Variants in ETS2 observed in about 807,000 individuals in gnomAD.
The protein encoded by ETS2 is ETS proto-oncogene 2, transcription factor.
ETS2 carries 19 observed loss-of-function variants against 54.9 expected under a neutral mutation model. The ratio of observed to expected loss-of-function variants is 0.35; its 90% CI spans 0.24 to 0.51. The LOEUF is 0.51. Ranked by LOEUF, ETS2 falls within the 20% of genes least tolerant of loss-of-function variation. The pLI is 0.97. For missense variants in ETS2, 417 were observed against 593.0 expected, an observed-to-expected ratio of 0.70 and a Z score of 3.08; for synonymous variants, 219 against 229.3, an observed-to-expected ratio of 0.95 and a Z score of 0.41.
chr21:38,814,065 AT>A lies in ETS2; in HGVS notation c.185-201del, dbSNP rs1277256426. Among the ~76,000 whole-genome samples, 1 of 152,208 alleles carries A rather than the reference AT, an allele frequency of 6.6e-6. No homozygotes were observed. Among genetic ancestry groups the A allele is most frequent in the Admixed American group, 6.5e-5 (1 of 15,280 alleles). ...GAATCAAATCTGAGTTTTATTTTAG[AT>A]TTTTTTAATAAGTATAGTTCTGAGA... On this transcript the variant is annotated intron_variant, in intron 3 of 9. Coordinates refer to ENST00000360938, the MANE Select transcript of ETS2 (RefSeq NM_005239.6). This position sits in a 1 kb window ranked among gnomAD's most constrained non-coding sequence, Gnocchi z 4.2.
chr21:38,812,869 G>A, intron 2 of ETS2, 134 bp from the exon 3 acceptor site: 1 of 639,144 alleles, frequency 1.6e-6, no homozygotes. Flanking sequence ...CTGACTGGTT[G>A]ATTCCATGTT....
rs918980297 is a variant in ETS2 at position 38,814,373 on chromosome 21, G to C, written c.285G>C (p.Arg95=). Residue 95 remains arginine (R), a synonymous_variant, in exon 4 of 10, where the codon CGG becomes CGC. Coordinates refer to ENST00000360938, the MANE Select transcript of ETS2 (RefSeq NM_005239.6). This position sits in a 1 kb window ranked among gnomAD's most constrained non-coding sequence, Gnocchi z 4.2. ...ATFSGFKKEQ[R]RLGIPKNPWL... ...TCAGTGGCTTCAAAAAGGAACAGCG[G>C]CGCCTGGGCATTCCAAAGAGTAAGT... The C allele has an allele frequency of 8.7e-6, 14 of 1,614,032 alleles. No individual in the cohort carries two copies. Among genetic ancestry groups the C allele is most frequent in the Admixed American group, 6.7e-5 (4 of 60,008 alleles).
Position 38,821,785 on chromosome 21 carries a change from C to A in ETS2, c.1194+81C>A. 9.2e-6 allele frequency: 9 copies of A among 976,992 alleles called. No homozygotes were observed. The highest frequency in any genetic ancestry group is 7.6e-5 in the Admixed American group (4 of 52,478). 60.5% of individuals were successfully genotyped at this position (976,992 alleles called of 1,614,324 possible). A position where few individuals can be genotyped will look rare whatever the true frequency, so the allele number is the denominator to read the frequency against. On this transcript the variant is annotated intron_variant, in intron 9 of 9. Coordinates refer to ENST00000360938, the MANE Select transcript of ETS2 (RefSeq NM_005239.6). The surrounding 1 kb of genome is among the most constrained non-coding windows in gnomAD (Gnocchi z 4.2). ...ATTCAAAAACTCAGTTCTTTGGGCA[C>A]AAAAAAGGGTTCACCAGTACTGCTG... is the stretch of plus-strand genomic sequence containing the variant.
chr21:38,812,600 G>C (rs2060917911), intron 2 of ETS2, among the ~76,000 whole-genome samples: 1 of 152,186 alleles, frequency 6.6e-6, no homozygotes, highest in Non-Finnish European at 1.5e-5. Flanking sequence ...GGCCAACATG[G>C]TGAAACCCTG....
At chr21:38,818,741 G>A in intron 7 of ETS2, 95 bp downstream of exon 7, 1 of 1,423,546 alleles carries the variant, frequency 7.0e-7, no homozygotes, top group South Asian at 1.2e-5. Context: ...CCTGGATTCA[G>A]CCATTAGAGA....
rs457705 is a variant in ETS2, at chr21:38,819,507, T to G, written c.816T>G (p.Thr272=). The change falls in exon 8 of 10, where the codon ACT becomes ACG. Residue 272 remains threonine (T), a synonymous_variant. Transcript: ENST00000360938. Reference sequence around the variant, plus strand: ...GTGTTTGGTTGTCTTTGCCAGGGACTCCCAAAGACCACGACTCCCCTGAGA... The same window carrying G: ...GTGTTTGGTTGTCTTTGCCAGGGACGCCCAAAGACCACGACTCCCCTGAGA... ...NLNLLTNNSG[T]PKDHDSPENG... is the part of the protein sequence containing the mutation. The G allele has an allele frequency of 0.8, 1,285,857 of 1,612,886 alleles. 524,442 individuals carry two copies. Among genetic ancestry groups the G allele is most frequent in the Non-Finnish European group, 0.86 (1,008,175 of 1,179,124 alleles).
chr21:38,824,727 A>G lies in ETS2; in HGVS notation c.*1838A>G, dbSNP rs1461075489. 6.6e-6 allele frequency: 1 copy of G among 152,650 alleles called. No homozygotes were observed. Among genetic ancestry groups the G allele is most frequent in the Admixed American group, 6.5e-5 (1 of 15,284 alleles). The allele number at this position is 152,650 out of a possible 1,614,324, so 9.5% of individuals were successfully genotyped here. ...ATGTGACTGGGAACATCTTGCTGCCAAAAGAATCCTAGGCAGTGGCTCATT... is the reference window on the plus strand; with the variant it reads ...ATGTGACTGGGAACATCTTGCTGCCGAAAGAATCCTAGGCAGTGGCTCATT... On this transcript the variant is annotated 3_prime_UTR_variant, in exon 10 of 10. Transcript: ENST00000360938.
At position 38,823,863 on chromosome 21, in the gene ETS2, A is replaced by C. The variant is rs1045167818; in HGVS notation, c.*974A>C. ...TCAGTTTATACACAAAATGGATTTTATTTTTTAGTTTAACTGTGTTTCTCC... is the reference window on the plus strand; with the variant it reads ...TCAGTTTATACACAAAATGGATTTTCTTTTTTAGTTTAACTGTGTTTCTCC... On this transcript the variant is annotated 3_prime_UTR_variant, in exon 10 of 10. Coordinates refer to ENST00000360938, the MANE Select transcript of ETS2 (RefSeq NM_005239.6). The C allele has an allele frequency of 3.3e-5, 5 of 152,528 alleles. No individual in the cohort carries two copies. The highest frequency in any genetic ancestry group is 2.1e-4 in the South Asian group (1 of 4,832). 9.4% of individuals were successfully genotyped at this position (152,528 alleles called of 1,614,324 possible). A position where few individuals can be genotyped will look rare whatever the true frequency, so the allele number is the denominator to read the frequency against.
chr21:38,815,081 C>T (rs2060927914), intron 5 of ETS2, 100 bp downstream of exon 5: 1 of 1,167,370 alleles, frequency 8.6e-7, no homozygotes, highest in African/African-American at 1.5e-5. Flanking sequence ...TTAGGGTTGC[C>T]ACTTGAAATG....
chr21:38,808,421 C>T (rs1026381050), intron 1 of ETS2, among the ~76,000 whole-genome samples: 1 of 152,110 alleles, frequency 6.6e-6, no homozygotes, highest in Non-Finnish European at 1.5e-5. Context: ...CACTTTGGAC[C>T]CAAGACTGCT....
chr21:38,820,901 C>T (rs1041594603), intron 8 of ETS2, among the ~76,000 whole-genome samples: 8 of 152,212 alleles, frequency 5.3e-5, no homozygotes, highest in Non-Finnish European at 8.8e-5. Flanking sequence ...GCCTCTGAGC[C>T]GCATCTTATC....
chr21:38,805,775 C>T (rs773694497), upstream of ETS2: 3 of 807,350 alleles, frequency 3.7e-6, no homozygotes, highest in South Asian at 1.8e-5. The surrounding 1 kb of genome is among the most constrained non-coding windows in gnomAD (Gnocchi z 5.2). Context: ...GCCTACCTCC[C>T]TTCCCCTCCT....
intron 5 of ETS2, 54 bp from the exon 6 acceptor site, chr21:38,816,954 T>A: frequency 1.1e-6 from 1 of 913,920 alleles, no homozygotes; most frequent in East Asian, 2.4e-5. Context: ...CAATTTGTTC[T>A]GTGTAGTTTT....
At chr21:38,820,446 A>G (rs918816902) in intron 8 of ETS2, among the ~76,000 whole-genome samples, 2 of 152,236 alleles carry the variant, frequency 1.3e-5, no homozygotes, top group Non-Finnish European at 2.9e-5. Flanking sequence ...ATCTAAGAAC[A>G]ATCAGCCACG....
rs1000202922 is a variant in ETS2 at position 38,806,622 on chromosome 21, C to G, written c.-1+502C>G. ...GGAGGATCTGGGGCGCCCAAGACAC[C>G]TGAAGGCTGCGGCACCGCGGGAACC... is the stretch of plus-strand genomic sequence containing the variant. On this transcript the variant is annotated intron_variant, in intron 1 of 9. Transcript: ENST00000360938. This position sits in a 1 kb window ranked among gnomAD's most constrained non-coding sequence, Gnocchi z 4.3. 2.2e-5 allele frequency: 22 copies of G among 985,172 alleles called. No individual in the cohort carries two copies. The highest frequency in any genetic ancestry group is 1.7e-5 in the African/African-American group (1 of 57,190). 61.0% of individuals were successfully genotyped at this position (985,172 alleles called of 1,614,324 possible).
Position 38,823,493 on chromosome 21 carries a change from A to G in ETS2, c.*604A>G, listed in dbSNP as rs1289837799. On this transcript the variant is annotated 3_prime_UTR_variant, in exon 10 of 10. Coordinates refer to ENST00000360938, the MANE Select transcript of ETS2 (RefSeq NM_005239.6). ...GTTTTATTTCATTTTTCAATAGCAC[A>G]TATGGAATTTTGCAAAGATTTAATC... 1.3e-5 allele frequency: 2 copies of G among 152,470 alleles called. No homozygotes were observed. The highest frequency in any genetic ancestry group is 4.8e-5 in the African/African-American group (2 of 41,454). 9.4% of individuals were successfully genotyped at this position (152,470 alleles called of 1,614,324 possible).
chr21:38,806,793 G>A lies in ETS2; in HGVS notation c.-1+673G>A, dbSNP rs1020214429. On this transcript the variant is annotated intron_variant, in intron 1 of 9. Transcript: ENST00000360938. This position sits in a 1 kb window ranked among gnomAD's most constrained non-coding sequence, Gnocchi z 4.3. ...CTGCCTTTATTTTCTCGTTCCTACA[G>A]CATTTGAATGAAGAGGTAACTGAGT... 45 of 985,484 alleles carry A rather than the reference G, an allele frequency of 4.6e-5. No homozygotes were observed. The highest frequency in any genetic ancestry group is 5.3e-5 in the Non-Finnish European group (44 of 829,954). The allele number at this position is 985,484 out of a possible 1,614,324, so 61.0% of individuals were successfully genotyped here.
chr21:38,805,878 T>C, upstream of ETS2: 2 of 1,185,626 alleles, frequency 1.7e-6, no homozygotes, highest in Non-Finnish European at 1.1e-6. This position sits in a 1 kb window ranked among gnomAD's most constrained non-coding sequence, Gnocchi z 5.2. Context: ...TCCTCCTCCC[T>C]CCTCCCTCCT....
chr21:38,808,409 G>A (rs2060901324), intron 1 of ETS2, among the ~76,000 whole-genome samples: 3 of 152,166 alleles, frequency 2.0e-5, no homozygotes. Context: ...AGTGAATGTG[G>A]CCACTTTGGA....
Sources: gnomAD v4.1 joint callset for allele counts (sites outside exome capture counted in the v4.1 genomes callset) on GRCh38, gnomAD v4.1.1 for gene constraint, Gnocchi (gnomAD v3.1) non-coding constraint, MANE v1.5 for transcripts, NCBI Gene and HGNC (gene_info 2026-07-23, HGNC 2026-07-21) for gene names.